ATP2B2: variants seen among roughly 807,000 people sequenced by gnomAD.
ATP2B2 encodes the protein plasma membrane calcium-transporting ATPase 2.
Under a neutral mutation model 120.0 loss-of-function variants are expected in ATP2B2, and 15 were observed. The ratio of observed to expected loss-of-function variants is 0.12; its 90% CI spans 0.08 to 0.19. ATP2B2 has a LOEUF of 0.19. ATP2B2 is among the 10% of genes least tolerant of loss of function. The pLI is 1.00. For missense variants in ATP2B2, 1,045 were observed against 1,719.8 expected, an observed-to-expected ratio of 0.61 and a Z score of 6.94; for synonymous variants, 694 against 700.3, an observed-to-expected ratio of 0.99 and a Z score of 0.14.
intron 1 of ATP2B2, among the ~76,000 whole-genome samples, chr3:10,633,139 G>A (rs1295153722): frequency 3.3e-5 from 5 of 152,232 alleles, no homozygotes; most frequent in Non-Finnish European, 5.9e-5. Flanking sequence ...CCTCCCAGCT[G>A]TGTGACCTTG....
At chr3:10,571,316 G>A (rs1056071365) in intron 2 of ATP2B2, among the ~76,000 whole-genome samples, 1 of 152,246 alleles carries the variant, frequency 6.6e-6, no homozygotes, top group Non-Finnish European at 1.5e-5. Context: ...GCCAGGAACA[G>A]AGCCTTCAGC....
chr3:10,620,561 G>A (rs1300313772), intron 1 of ATP2B2, among the ~76,000 whole-genome samples: 3 of 152,088 alleles, frequency 2.0e-5, no homozygotes, highest in Non-Finnish European at 4.4e-5. Flanking sequence ...AAGCAGGGGG[G>A]ATTCCTTTCC....
chr3:10,528,881 G>A (rs1461269329), intron 3 of ATP2B2, among the ~76,000 whole-genome samples: 1 of 152,190 alleles, frequency 6.6e-6, no homozygotes, highest in African/African-American at 2.4e-5. Flanking sequence ...GTGTGAATAT[G>A]GATTGTAGGC....
At chr3:10,584,654 G>A (rs2068466256) in intron 2 of ATP2B2, among the ~76,000 whole-genome samples, 1 of 152,168 alleles carries the variant, frequency 6.6e-6, no homozygotes, top group African/African-American at 2.4e-5. Context: ...TGCAGAAGCT[G>A]CATTCCCTGA....
chr3:10,360,425 T>C (rs1024805651), intron 12 of ATP2B2, among the ~76,000 whole-genome samples: 2 of 152,244 alleles, frequency 1.3e-5, no homozygotes, highest in Non-Finnish European at 2.9e-5. Context: ...TGTAGCATCT[T>C]AACATTATGC....
At chr3:10,606,961 GGA>G (rs1288819291) in intron 2 of ATP2B2, among the ~76,000 whole-genome samples, 33 of 91,284 alleles carry the variant, frequency 3.6e-4, no homozygotes, top group East Asian at 3.5e-3. Context: ...GGGGAGGGGG[GGA>G]GAGAGAGAGA....
intron 2 of ATP2B2, among the ~76,000 whole-genome samples, chr3:10,573,003 G>A (rs1204509087): frequency 6.6e-6 from 1 of 152,158 alleles, no homozygotes; most frequent in Admixed American, 6.5e-5. Context: ...CAGACGGGAC[G>A]TGCAGATTCC....
intron 1 of ATP2B2, among the ~76,000 whole-genome samples, chr3:10,500,293 G>C (rs2066332363): frequency 6.6e-6 from 1 of 152,034 alleles, no homozygotes; most frequent in African/African-American, 2.4e-5. Context: ...TCCGGAAAAT[G>C]GGTGATGGTG....
chr3:10,707,437 T>C (rs2071913168), intron 1 of ATP2B2, among the ~76,000 whole-genome samples: 1 of 152,086 alleles, frequency 6.6e-6, no homozygotes, highest in African/African-American at 2.4e-5. Context: ...CAGCCTAGGG[T>C]GAGTCTCTGC....
At chr3:10,512,464 G>GCGCGCACACACACACACACACACA (rs749056818) in intron 3 of ATP2B2, among the ~76,000 whole-genome samples, 1 of 136,926 alleles carries the variant, frequency 7.3e-6, no homozygotes, top group African/African-American at 2.9e-5. Flanking sequence ...AAGTGTGTGC[G>GCGCGCACACACACACACACACACA]CACACACACA....
chr3:10,516,274 CG>C (rs1458366398), intron 3 of ATP2B2, among the ~76,000 whole-genome samples: 3 of 152,184 alleles, frequency 2.0e-5, no homozygotes, highest in Non-Finnish European at 4.4e-5. Flanking sequence ...GGGCCTCTGT[CG>C]GCTCTCATCC....
At chr3:10,584,684 T>C (rs915691736) in intron 2 of ATP2B2, among the ~76,000 whole-genome samples, 1 of 152,136 alleles carries the variant, frequency 6.6e-6, no homozygotes, top group African/African-American at 2.4e-5. Context: ...CTTAACTCCT[T>C]AATTATTTTC....
intron 12 of ATP2B2, among the ~76,000 whole-genome samples, chr3:10,365,880 G>A (rs1000853866): frequency 0.015 from 1 of 68 alleles, no homozygotes; most frequent in Non-Finnish European, 0.029. Context: ...GTGTCACTGT[G>A]TGCATATCAG....
chr3:10,461,443 G>C (rs2064485796), intron 1 of ATP2B2, among the ~76,000 whole-genome samples: 1 of 152,222 alleles, frequency 6.6e-6, no homozygotes, highest in South Asian at 2.1e-4. Context: ...GGGATAAGCA[G>C]AGGTTTGCAC....
chr3:10,469,783 G>A (rs1424405354), intron 1 of ATP2B2, among the ~76,000 whole-genome samples: 1 of 152,202 alleles, frequency 6.6e-6, no homozygotes, highest in African/African-American at 2.4e-5. Context: ...GAGAGGAGGG[G>A]CAGTCCTTCC....
chr3:10,618,716 C>T (rs976315819), intron 2 of ATP2B2, among the ~76,000 whole-genome samples: 2 of 152,132 alleles, frequency 1.3e-5, no homozygotes, highest in African/African-American at 4.8e-5. Context: ...CTACAACACA[C>T]TTGTATGCCC....
Position 10,350,454 on chromosome 3 carries a change from A to T in ATP2B2, c.2260T>A (p.Phe754Ile), listed in dbSNP as rs1441382565. 1 of 1,614,082 alleles carries T rather than the reference A, an allele frequency of 6.2e-7. No homozygotes were observed. Among genetic ancestry groups the T allele is most frequent in the Non-Finnish European group, 8.5e-7 (1 of 1,180,044 alleles). Residue 754 changes from phenylalanine to isoleucine, a missense_variant, in exon 15 of 23, where the codon TTT (phenylalanine) becomes ATT (isoleucine). Physicochemically the swap from Phe to Ile is conservative, Grantham distance 21 (BLOSUM62 0). This residue lies in a region of ATP2B2 where 343 missense variants were observed against 536.8 expected (regional missense o/e 0.64). Coordinates refer to ENST00000360273, the MANE Select transcript of ATP2B2 (RefSeq NM_001001331.4). ...AACTCCTTGCCCTCGAGGCACAGAAAGTCCTCCCCAGGATGGATGATGCCA... is the reference window on the plus strand; with the variant it reads ...AACTCCTTGCCCTCGAGGCACAGAATGTCCTCCCCAGGATGGATGATGCCA... Reference protein sequence around the residue: ...KCGIIHPGEDFLCLEGKEFNR... With the variant: ...KCGIIHPGEDILCLEGKEFNR...
intron 2 of ATP2B2, among the ~76,000 whole-genome samples, chr3:10,433,509 C>T (rs1184247253): frequency 6.6e-6 from 1 of 152,150 alleles, no homozygotes; most frequent in Non-Finnish European, 1.5e-5. Flanking sequence ...GACTCTGTCA[C>T]CCCCTCGCTG....
At chr3:10,529,723 A>G (rs1575463688) in intron 3 of ATP2B2, among the ~76,000 whole-genome samples, 2 of 152,200 alleles carry the variant, frequency 1.3e-5, no homozygotes, top group South Asian at 4.1e-4. Flanking sequence ...CCAGAATGTG[A>G]GGTACAGATG....
Sources: allele counts gnomAD v4.1 joint callset (sites outside exome capture counted in the v4.1 genomes callset), GRCh38; gene constraint gnomAD v4.1.1; regional missense constraint gnomAD v4.1.1; transcripts MANE v1.5; gene names NCBI Gene and HGNC (gene_info 2026-07-23, HGNC 2026-07-21).